Variants in CCDC40 observed in about 807,000 individuals in gnomAD.
CCDC40 encodes the protein coiled-coil domain 40 molecular ruler complex subunit.
Under a neutral mutation model 124.5 loss-of-function variants are expected in CCDC40, and 104 were observed. The ratio of observed to expected loss-of-function variants is 0.84; its 90% CI spans 0.71 to 0.98. The LOEUF is 0.98. Ranked by LOEUF, CCDC40 falls within the 50% of genes least tolerant of loss-of-function variation. The pLI is 0.00. For missense variants in CCDC40, 1,463 were observed against 1,503.9 expected (o/e 0.97, Z 0.45); for synonymous variants, 580 against 602.9 (o/e 0.96, Z 0.56).
intron 10 of CCDC40, among the ~76,000 whole-genome samples, chr17:80,070,831 G>A (rs2038168760): frequency 6.6e-6 from 1 of 152,228 alleles, no homozygotes; most frequent in African/African-American, 2.4e-5. Flanking sequence ...CAGGACTGCT[G>A]TGGTAGCTCA....
chr17:80,069,020 G>C (rs748449543), intron 10 of CCDC40, among the ~76,000 whole-genome samples: 2 of 152,122 alleles, frequency 1.3e-5, no homozygotes, highest in African/African-American at 4.8e-5. Flanking sequence ...GAGGTGTCCC[G>C]CGAGCAGCCC....
intron 10 of CCDC40, chr17:80,067,895 T>C (rs2038089359): frequency 1.5e-6 from 2 of 1,358,464 alleles, no homozygotes; most frequent in Non-Finnish European, 1.9e-6. Context: ...AAAACGTGCA[T>C]GCGCAGAATG....
intron 4 of CCDC40, among the ~76,000 whole-genome samples, chr17:80,047,760 G>GC (rs1407167622): frequency 5.3e-5 from 8 of 152,096 alleles, no homozygotes; most frequent in African/African-American, 1.7e-4. Context: ...TGGTCTCAGA[G>GC]CGAGACGTGC....
At position 80,064,486 on chromosome 17, in the gene CCDC40, G is replaced by A. The variant is rs79878341; in HGVS notation, c.1441-999G>A. Among the ~76,000 whole-genome samples, 1,301 of 152,192 alleles carry A rather than the reference G, an allele frequency of 8.5e-3. 92 individuals carry two copies. The East Asian group carries it at 0.19, about 22-fold the overall frequency. ...ATGCAGGCATCAACTCACTTGACCC[G>A]GCAGCCCCGGGGTCGCTCCTGTACC... On this transcript the variant is annotated intron_variant, in intron 9 of 19. Transcript: ENST00000397545.
At chr17:80,097,472 G>T in intron 19 of CCDC40, 69 bp downstream of exon 19, 2 of 1,555,696 alleles carry the variant, frequency 1.3e-6, no homozygotes, top group South Asian at 1.1e-5. Flanking sequence ...GAGGTCCTGC[G>T]TCCCCTCTGT....
rs1319845719 is a variant in CCDC40, at chr17:80,058,774, T to C, written c.1318-84T>C. The stretch of plus-strand genomic sequence containing the variant: ...GGGGTGGCGGCCGGCCTGGGTGGCG[T>C]CAACTTGTATCAAGGGTTGGTGGAG... On this transcript the variant is annotated intron_variant, in intron 8 of 19. Transcript: ENST00000397545. This position sits in a 1 kb window ranked among gnomAD's most constrained non-coding sequence, Gnocchi z 4.2. The C allele has an allele frequency of 6.8e-6, 11 of 1,609,944 alleles. No homozygotes were observed. The Admixed American group carries it at 1.8e-4, about 27-fold the overall frequency.
chr17:80,052,642 G>C (rs1207776293), intron 7 of CCDC40, among the ~76,000 whole-genome samples: 1 of 152,214 alleles, frequency 6.6e-6, no homozygotes, highest in African/African-American at 2.4e-5. Context: ...CCTGAGAGGA[G>C]ACTGAGCCGG....
Position 80,095,415 on chromosome 17 carries a change from G to C in CCDC40, c.2985G>C (p.Gln995His), listed in dbSNP as rs1365908568. The change falls in exon 18 of 20, where the codon CAG becomes CAC. Residue 995 changes from glutamine to histidine, a missense_variant. Physicochemically the swap from Gln to His is conservative, Grantham distance 24. Transcript: ENST00000397545. ...CCCGCACCGACTTCCACCACAAGCA[G>C]CTTGAGCTGCGCCGGAAAATCAGGG... The part of the protein sequence containing the change: ...ALTRTDFHHK[Q>H]LELRRKIRDV... 7.4e-6 allele frequency: 12 copies of C among 1,614,062 alleles called. No homozygotes were observed. The highest frequency in any genetic ancestry group is 9.3e-6 in the Non-Finnish European group (11 of 1,180,056).
chr17:80,075,774 C>T (rs1479171149), intron 10 of CCDC40, among the ~76,000 whole-genome samples: 2 of 151,044 alleles, frequency 1.3e-5, no homozygotes, highest in African/African-American at 2.4e-5. Context: ...CCACTGCGCC[C>T]GGCCCCAAAA....
At chr17:80,063,719 C>T (rs775014996) in intron 9 of CCDC40, among the ~76,000 whole-genome samples, 6 of 152,304 alleles carry the variant, frequency 3.9e-5, no homozygotes, top group Admixed American at 1.3e-4. Flanking sequence ...AGGCTGGTCT[C>T]GGACCCCTGA....
At chr17:80,097,515 C>A (rs781527852) in intron 19 of CCDC40, 112 bp downstream of exon 19, 12 of 1,138,576 alleles carry the variant, frequency 1.1e-5, no homozygotes, top group Non-Finnish European at 1.5e-5. Flanking sequence ...CAGGTCACGG[C>A]CTCTCCTGAT....
intron 17 of CCDC40, among the ~76,000 whole-genome samples, chr17:80,094,893 A>T (rs1361051246): frequency 6.6e-6 from 1 of 151,692 alleles, no homozygotes; most frequent in Non-Finnish European, 1.5e-5. Flanking sequence ...ACAACTAAGA[A>T]ATTAACCTTC....
intron 10 of CCDC40, among the ~76,000 whole-genome samples, chr17:80,070,378 T>C (rs1012140700): frequency 2.6e-5 from 4 of 152,218 alleles, no homozygotes; most frequent in Non-Finnish European, 5.9e-5. Context: ...GAGGATCCCT[T>C]AAGCCCAGGA....
intron 17 of CCDC40, among the ~76,000 whole-genome samples, chr17:80,094,226 C>T (rs1454499148): frequency 2.7e-5 from 4 of 145,940 alleles, no homozygotes; most frequent in East Asian, 2.0e-4. Context: ...CTGGCCACCA[C>T]GGTGAAACCC....
chr17:80,049,355 G>C (rs977938452), intron 5 of CCDC40, among the ~76,000 whole-genome samples: 1 of 148,750 alleles, frequency 6.7e-6, no homozygotes, highest in Non-Finnish European at 1.5e-5. Flanking sequence ...CATGCAGACA[G>C]CCAAGATGGC....
At position 80,086,011 on chromosome 17, in the gene CCDC40, A is replaced by C; in HGVS notation, c.2244A>C (p.Glu748Asp). 6.2e-7 allele frequency: 1 copy of C among 1,613,832 alleles called. No homozygotes were observed. The change falls in exon 14 of 20, where the codon GAA becomes GAC. Residue 748 changes from glutamate (E) to aspartate (D), a missense_variant. Transcript: ENST00000397545. This position sits in a 1 kb window ranked among gnomAD's most constrained non-coding sequence, Gnocchi z 5.5. ...ATGAATATCCGGTCTAGGGGGAAGA[A>C]GTGGGGCCCCTGGAGCTTGAAATCA... ...ERMVSELGGE[E>D]VGPLELEIKR... is the part of the protein sequence containing the mutation.
Position 80,058,714 on chromosome 17 carries a change from C to T in CCDC40, c.1317+63C>T. 6.2e-7 allele frequency: 1 copy of T among 1,606,628 alleles called. No homozygotes were observed. Among genetic ancestry groups the T allele is most frequent in the Non-Finnish European group, 8.5e-7 (1 of 1,173,412 alleles). ...GACCGTGGAGCTTCAAAAAGGGGCT[C>T]AGCTTTGCCTCCTGCGTGAAGGCTT... On this transcript the variant is annotated intron_variant, in intron 8 of 19. Coordinates refer to ENST00000397545, the MANE Select transcript of CCDC40 (RefSeq NM_017950.4). The surrounding 1 kb of genome is among the most constrained non-coding windows in gnomAD (Gnocchi z 4.2).
Position 80,058,596 on chromosome 17 carries a change from T to G in CCDC40, c.1262T>G (p.Val421Gly). 1 of 1,613,820 alleles carries G rather than the reference T, an allele frequency of 6.2e-7. No individual in the cohort carries two copies. Among genetic ancestry groups the G allele is most frequent in the South Asian group, 1.1e-5 (1 of 91,050 alleles). The change falls in exon 8 of 20, where the codon GTG (valine) becomes GGG (glycine). Residue 421 changes from valine to glycine, a missense_variant. By Grantham distance (109) the Val-to-Gly change is moderately radical (BLOSUM62 -3). Coordinates refer to ENST00000397545, the MANE Select transcript of CCDC40 (RefSeq NM_017950.4). The surrounding 1 kb of genome is among the most constrained non-coding windows in gnomAD (Gnocchi z 4.2). ...GACGACATCCGCGTGATGACACAAG[T>G]GGTAAAGAAGGCCGAGACGGAGAGG... is the stretch of plus-strand genomic sequence containing the variant. ...MRDDIRVMTQVVKKAETERIR... is the reference protein window; with the variant it reads ...MRDDIRVMTQGVKKAETERIR...
At chr17:80,056,016 A>ATATATATTT (rs71163913) in intron 7 of CCDC40, among the ~76,000 whole-genome samples, 11 of 10,244 alleles carry the variant, frequency 1.1e-3, no homozygotes, top group Non-Finnish European at 1.3e-3. Context: ...ATATATATAT[A>ATATATATTT]TTTTTTTTTT....
Sources: allele counts gnomAD v4.1 joint callset (sites outside exome capture counted in the v4.1 genomes callset), GRCh38; gene constraint gnomAD v4.1.1; non-coding constraint Gnocchi (gnomAD v3.1); transcripts MANE v1.5; gene names NCBI Gene and HGNC (gene_info 2026-07-23, HGNC 2026-07-21).